DST: variants seen among roughly 807,000 people sequenced by gnomAD.
DST encodes dystonin.
DST carries 253 observed loss-of-function variants against 875.2 expected under a neutral mutation model. That is an observed-to-expected ratio of 0.29 (90% CI 0.26 to 0.32). The LOEUF is 0.32. Ranked by LOEUF, DST falls within the 10% of genes least tolerant of loss-of-function variation. DST has a pLI of 1.00. For synonymous variants in DST, 3,124 were observed against 3,197.1 expected, an observed-to-expected ratio of 0.98 and a Z score of 0.77; for missense variants, 8,287 against 9,111.6, an observed-to-expected ratio of 0.91 and a Z score of 3.68.
At chr6:56,595,103 T>C (rs566698523) in intron 47 of DST, among the ~76,000 whole-genome samples, 2 of 152,200 alleles carry the variant, frequency 1.3e-5, no homozygotes, top group African/African-American at 2.4e-5. Context: ...ATACTAATCC[T>C]TCTGGGCAAT....
intron 2 of DST, among the ~76,000 whole-genome samples, chr6:56,952,604 TATA>T (rs1822938748): frequency 6.6e-6 from 1 of 152,230 alleles, no homozygotes; most frequent in South Asian, 2.1e-4. Flanking sequence ...TTTTACAAAA[TATA>T]ATGATAGCTA....
At chr6:56,664,489 C>T (rs1174450460) in intron 10 of DST, among the ~76,000 whole-genome samples, 2 of 152,172 alleles carry the variant, frequency 1.3e-5, no homozygotes, top group Non-Finnish European at 2.9e-5. Flanking sequence ...GGATTTCATT[C>T]CTCTATATCA....
chr6:56,606,636 C>G lies in DST; in HGVS notation c.7992G>C (p.Glu2664Asp). ...PADVFYDVSK[E>D]NENSMVPQGA... is the part of the protein sequence containing the mutation. The stretch of plus-strand genomic sequence containing the variant: ...CCTGGGGAACCATGGAATTTTCATT[C>G]TCTTTTGAGACATCATAAAAAACAT... The change falls in exon 40 of 104, where the codon GAG becomes GAC. Residue 2664 changes from glutamate (E) to aspartate (D), a missense_variant. This residue lies in a region of DST where 3,138 missense variants were observed against 3,116.6 expected (regional missense o/e 1.01). Transcript: ENST00000680361. 6.2e-7 allele frequency: 1 copy of G among 1,613,610 alleles called. No individual in the cohort carries two copies. The highest frequency in any genetic ancestry group is 1.1e-5 in the South Asian group (1 of 91,072).
chr6:56,855,764 A>G (rs914380450), intron 3 of DST, among the ~76,000 whole-genome samples: 2 of 152,230 alleles, frequency 1.3e-5, no homozygotes, highest in African/African-American at 2.4e-5. Context: ...ACACCTGGAC[A>G]GGACACCATC....
At chr6:56,466,008 T>C in intron 99 of DST, 70 bp downstream of exon 99, 1 of 1,260,738 alleles carries the variant, frequency 7.9e-7, no homozygotes, top group Non-Finnish European at 1.1e-6. Context: ...ATGCCCAGTA[T>C]GTTTTGGTGC....
intron 2 of DST, among the ~76,000 whole-genome samples, chr6:56,905,863 G>C (rs1441791452): frequency 6.6e-6 from 1 of 152,070 alleles, no homozygotes; most frequent in Non-Finnish European, 1.5e-5. Context: ...TGCCCAGGCT[G>C]GTCTTGAACT....
At chr6:56,781,956 C>G (rs527554938) in intron 4 of DST, among the ~76,000 whole-genome samples, 1 of 152,068 alleles carries the variant, frequency 6.6e-6, no homozygotes, top group East Asian at 1.9e-4. Flanking sequence ...TTGTCAAAGG[C>G]CTTTTCTGCA....
intron 61 of DST, 84 bp from the exon 62 acceptor site, chr6:56,537,024 G>A: frequency 2.4e-6 from 3 of 1,259,636 alleles, no homozygotes; most frequent in Non-Finnish European, 3.3e-6. Context: ...TAGGCATCAG[G>A]TTGTGGAAAC....
chr6:56,625,023 A>T (rs2098721182), intron 35 of DST, 134 bp downstream of exon 35: 1 of 714,272 alleles, frequency 1.4e-6, no homozygotes, highest in Non-Finnish European at 2.5e-6. Flanking sequence ...CAATGTCATT[A>T]AACTGTACAT....
intron 4 of DST, among the ~76,000 whole-genome samples, chr6:56,785,496 G>A (rs892102012): frequency 6.6e-6 from 1 of 151,766 alleles, no homozygotes. Context: ...AGACTCGGTG[G>A]GCGTAGGACC....
intron 4 of DST, among the ~76,000 whole-genome samples, chr6:56,775,258 C>G: frequency 6.6e-6 from 1 of 152,224 alleles, no homozygotes; most frequent in Admixed American, 6.5e-5. Context: ...TCTAAACAAC[C>G]CTAACAGTCT....
At chr6:56,673,438 G>A (rs1231114653) in intron 9 of DST, among the ~76,000 whole-genome samples, 1 of 152,104 alleles carries the variant, frequency 6.6e-6, no homozygotes, top group Non-Finnish European at 1.5e-5. Context: ...GTGTGGGACT[G>A]TTTTCTGCTA....
intron 43 of DST, 128 bp downstream of exon 43, chr6:56,602,754 C>A: frequency 1.6e-6 from 1 of 641,252 alleles, no homozygotes; most frequent in Non-Finnish European, 2.4e-6. Flanking sequence ...TGAATAAAGA[C>A]ATCTCTAGAG....
chr6:56,943,669 G>A (rs564362761), intron 2 of DST, among the ~76,000 whole-genome samples: 10 of 151,974 alleles, frequency 6.6e-5, no homozygotes, highest in African/African-American at 2.4e-4. Flanking sequence ...CCAACCTCAG[G>A]TGATTTGCCC....
At chr6:56,623,027 C>G (rs756172893) in intron 36 of DST, among the ~76,000 whole-genome samples, 9 of 152,108 alleles carry the variant, frequency 5.9e-5, no homozygotes, top group Non-Finnish European at 1.0e-4. Context: ...ACACGACATT[C>G]CATTAACGTA....
Position 56,604,614 on chromosome 6 carries a change from T to G in DST, c.10014A>C (p.Gln3338His), listed in dbSNP as rs2098477536. 1 of 1,612,038 alleles carries G rather than the reference T, an allele frequency of 6.2e-7. No homozygotes were observed. Among genetic ancestry groups the G allele is most frequent in the Admixed American group, 1.7e-5 (1 of 59,724 alleles). The part of the protein sequence containing the change: ...PKEQALSPRS[Q>H]EKEVQIPELS... ...ATTCAGGAATCTGAACCTCCTTTTC[T>G]TGGGATCTTGGAGACAAGGCTTGTT... The change falls in exon 40 of 104, where the codon CAA becomes CAC. Residue 3338 changes from glutamine to histidine, a missense_variant. Gln to His is a conservative substitution (Grantham distance 24). Transcript: ENST00000680361.
chr6:56,852,818 G>A (rs1259028110), intron 3 of DST, among the ~76,000 whole-genome samples: 5 of 152,236 alleles, frequency 3.3e-5, no homozygotes, highest in Admixed American at 3.3e-4. Flanking sequence ...GTTACAGGCA[G>A]AAATCAGTGA....
chr6:56,596,012 T>TTTAC (rs1303625400), intron 47 of DST, among the ~76,000 whole-genome samples: 56 of 145,712 alleles, frequency 3.8e-4, no homozygotes, highest in African/African-American at 1.6e-3. Flanking sequence ...CTTTCTTTTA[T>TTTAC]TTATTTATTT....
At chr6:56,659,881 C>T (rs2099029818) in intron 10 of DST, among the ~76,000 whole-genome samples, 1 of 152,140 alleles carries the variant, frequency 6.6e-6, no homozygotes, top group South Asian at 2.1e-4. Flanking sequence ...AGATCCAGGG[C>T]ACAGCAGGAG....
Sources: allele counts gnomAD v4.1 joint callset (sites outside exome capture counted in the v4.1 genomes callset), GRCh38; gene constraint gnomAD v4.1.1; regional missense constraint gnomAD v4.1.1; transcripts MANE v1.5; gene names NCBI Gene and HGNC (gene_info 2026-07-23, HGNC 2026-07-21).